PSMG2: variants seen among roughly 807,000 people sequenced by gnomAD.
The protein encoded by PSMG2 is CD40 ligand-activated specific transcript 3.
In PSMG2, 21 loss-of-function variants were observed where a neutral mutation model predicts 31.5. The ratio of observed to expected loss-of-function variants is 0.67; its 90% CI spans 0.47 to 0.96. PSMG2 has a LOEUF of 0.96. Among genes scored for constraint, PSMG2 ranks in the 40% least tolerant of loss-of-function variants. PSMG2 has a pLI of 0.00. For synonymous variants in PSMG2, 120 were observed against 110.4 expected (o/e 1.09, Z -0.54); for missense variants, 318 against 321.2 (o/e 0.99, Z 0.08).
At chr18:12,691,709 A>AT (rs537984227) in intron 1 of PSMG2, among the ~76,000 whole-genome samples, 47,920 of 140,268 alleles carry the variant, frequency 0.34, 8,450 homozygotes, top group Middle Eastern at 0.46. Context: ...CAAAGACAGA[A>AT]TTTTTTTTTT....
In PSMG2 at chr18:12,712,682, T is replaced by G; in HGVS notation, c.230-20T>G. ...ATAACTTCACTGTCATATGATTTCA[T>G]TTTCTTCTTGTTTTTATAGTGTATT... On this transcript the variant is annotated intron_variant, in intron 2 of 6. Coordinates refer to ENST00000317615, the MANE Select transcript of PSMG2 (RefSeq NM_020232.5). 6.4e-7 allele frequency: 1 copy of G among 1,565,200 alleles called. No individual in the cohort carries two copies.
upstream of PSMG2, among the ~76,000 whole-genome samples, chr18:12,700,612 C>T (rs1044507418): frequency 1.3e-5 from 2 of 152,048 alleles, no homozygotes; most frequent in Non-Finnish European, 2.9e-5. Context: ...TAAAAATACG[C>T]TTAATCTAAA....
chr18:12,695,015 G>T (rs995010560), intron 1 of PSMG2, among the ~76,000 whole-genome samples: 8 of 152,028 alleles, frequency 5.3e-5, no homozygotes, highest in African/African-American at 1.9e-4. Flanking sequence ...GGCCTATCCT[G>T]TAATTCTTAT....
At chr18:12,699,271 G>T, upstream of PSMG2, 1 of 1,140,682 alleles carries the variant, frequency 8.8e-7, no homozygotes, top group East Asian at 2.4e-5. Context: ...CAAGACATTA[G>T]GAAATAAAAA....
intron 1 of PSMG2, among the ~76,000 whole-genome samples, chr18:12,694,935 A>T (rs9303776): frequency 0.39 from 59,164 of 150,798 alleles, 11,989 homozygotes; most frequent in Non-Finnish European, 0.45. Flanking sequence ...CAGGATGGTC[A>T]CGATCTCCTG....
rs986745374 is a variant in PSMG2 at position 12,706,590 on chromosome 18, A to G, written c.98A>G (p.Asp33Gly). Reference protein sequence around the residue: ...SVGNVGQLAMDLIISTLNMSK... With the variant: ...SVGNVGQLAMGLIISTLNMSK... ...GGAAATGTTGGCCAGCTTGCAATGG[A>G]TCTGATTATTTCTACACTGAATATG... The change falls in exon 2 of 7, where the codon GAT becomes GGT. Residue 33 changes from aspartate to glycine, a missense_variant. By Grantham distance (94) the Asp-to-Gly change is moderately conservative. Transcript: ENST00000317615. The G allele has an allele frequency of 5.6e-6, 9 of 1,613,952 alleles. No individual in the cohort carries two copies. The highest frequency in any genetic ancestry group is 5.0e-5 in the Admixed American group (3 of 59,972).
rs1359700642 is a variant in PSMG2 at position 12,709,796 on chromosome 18, GGCC to G, written c.230-2905_230-2903del. Reference sequence around the variant, plus strand: ...ATTACAGGCGTGAGCCACCACGCCTGGCCTAATTTTTGTATTTTTAGTAGAGAC... The same window carrying G: ...ATTACAGGCGTGAGCCACCACGCCTGTAATTTTTGTATTTTTAGTAGAGAC... On this transcript the variant is annotated intron_variant, in intron 2 of 6. Coordinates refer to ENST00000317615, the MANE Select transcript of PSMG2 (RefSeq NM_020232.5). Among the ~76,000 whole-genome samples, 6 of 151,642 alleles carry G rather than the reference GGCC, an allele frequency of 4.0e-5. No individual in the cohort carries two copies. In the East Asian group the frequency reaches 1.2e-3, roughly 30 times the overall value.
chr18:12,725,578 A>C lies in PSMG2; in HGVS notation c.*47A>C. 1 of 1,396,246 alleles carries C rather than the reference A, an allele frequency of 7.2e-7. No homozygotes were observed. The highest frequency in any genetic ancestry group is 1.0e-6 in the Non-Finnish European group (1 of 998,226). 86.5% of individuals were successfully genotyped at this position (1,396,246 alleles called of 1,614,324 possible). A position where few individuals can be genotyped will look rare whatever the true frequency, so the allele number is the denominator to read the frequency against. ...TATACCCAAAACACTTACTACCAAC[A>C]CAGCTGTTAAACATTCTATACAAAA... On this transcript the variant is annotated 3_prime_UTR_variant, in exon 7 of 7. Transcript: ENST00000317615.
chr18:12,714,668 A>T (rs1475131453), intron 3 of PSMG2, among the ~76,000 whole-genome samples: 1 of 148,952 alleles, frequency 6.7e-6, no homozygotes, highest in African/African-American at 2.5e-5. Flanking sequence ...TAATTTTTGT[A>T]TTTTTTTGTA....
At chr18:12,669,237 C>T (rs1021788388) in intron 1 of PSMG2, among the ~76,000 whole-genome samples, 2 of 151,602 alleles carry the variant, frequency 1.3e-5, no homozygotes, top group Admixed American at 6.6e-5. Context: ...CTCAGCCTCC[C>T]GAGTAGCTGG....
Position 12,703,156 on chromosome 18 carries a change from C to A in PSMG2, c.49C>A (p.Leu17Ile), listed in dbSNP as rs1252023866. ...GGCCCCCGACCTTGCCGGCTTCACC[C>A]TCCTAATGGTGAGTCTCCATTTGCG... ...ESAPDLAGFTLLMPAVSVGNV... is the reference protein window; with the variant it reads ...ESAPDLAGFTILMPAVSVGNV... The change falls in exon 1 of 7, where the codon CTC becomes ATC. Residue 17 changes from leucine (L) to isoleucine (I), a missense_variant. By Grantham distance (5) the Leu-to-Ile change is conservative. Coordinates refer to ENST00000317615, the MANE Select transcript of PSMG2 (RefSeq NM_020232.5). 6.2e-7 allele frequency: 1 copy of A among 1,610,526 alleles called. No homozygotes were observed. The highest frequency in any genetic ancestry group is 8.5e-7 in the Non-Finnish European group (1 of 1,178,830).
chr18:12,667,479 C>T (rs9945963), intron 1 of PSMG2, among the ~76,000 whole-genome samples: 2,725 of 151,852 alleles, frequency 0.018, 92 homozygotes, highest in African/African-American at 0.062. Flanking sequence ...ATATAATATT[C>T]GGCCAGGCCG....
chr18:12,668,610 A>AAAAAAAAAAAAAAAAC (rs2038856958), intron 1 of PSMG2, among the ~76,000 whole-genome samples: 1 of 56,182 alleles, frequency 1.8e-5, no homozygotes, highest in Non-Finnish European at 4.9e-5. Flanking sequence ...AAAAAAAAAA[A>AAAAAAAAAAAAAAAAC]AAAAAAAAAA....
upstream of PSMG2, chr18:12,702,630 A>C: frequency 6.8e-7 from 1 of 1,466,476 alleles, no homozygotes. Context: ...AGGGAGCGTT[A>C]GGAGCGACTG....
chr18:12,687,105 A>C (rs991112826), intron 1 of PSMG2, among the ~76,000 whole-genome samples: 2 of 152,182 alleles, frequency 1.3e-5, no homozygotes, highest in African/African-American at 4.8e-5. Flanking sequence ...AGTGAGTATT[A>C]CCAAAGTCCA....
chr18:12,704,302 A>C (rs1263936590), intron 1 of PSMG2, among the ~76,000 whole-genome samples: 5 of 152,176 alleles, frequency 3.3e-5, no homozygotes, highest in Admixed American at 2.6e-4. Context: ...TCATTAATTC[A>C]GAGACAGGCA....
intron 1 of PSMG2, among the ~76,000 whole-genome samples, chr18:12,694,756 G>C (rs2039889210): frequency 6.6e-6 from 1 of 150,524 alleles, no homozygotes; most frequent in African/African-American, 2.4e-5. Flanking sequence ...CTGTTGCCCA[G>C]GCTGGAGTGC....
chr18:12,683,980 A>T (rs1412064025), intron 1 of PSMG2, among the ~76,000 whole-genome samples: 1 of 150,480 alleles, frequency 6.6e-6, no homozygotes, highest in African/African-American at 2.4e-5. Context: ...TACAGTAAAA[A>T]ATCTAAATAT....
intron 1 of PSMG2, 64 bp downstream of exon 1, chr18:12,703,228 C>A: frequency 6.6e-7 from 1 of 1,507,084 alleles, no homozygotes; most frequent in Admixed American, 2.0e-5. Context: ...GCCACCCCGA[C>A]GCGGGGTGTT....
Sources: allele counts gnomAD v4.1 joint callset (sites outside exome capture counted in the v4.1 genomes callset), GRCh38; gene constraint gnomAD v4.1.1; transcripts MANE v1.5; gene names NCBI Gene and HGNC (gene_info 2026-07-23, HGNC 2026-07-21).